Variants in HMGXB3 observed in about 807,000 individuals in gnomAD.
The protein encoded by HMGXB3 is HMG-box containing 3.
A neutral mutation model predicts 121.5 loss-of-function variants in HMGXB3; 45 were observed. The ratio of observed to expected loss-of-function variants is 0.37; its 90% CI spans 0.29 to 0.47. The LOEUF is 0.47. Among genes scored for constraint, HMGXB3 ranks in the 20% least tolerant of loss-of-function variants. The pLI, the probability that HMGXB3 is intolerant of heterozygous loss-of-function variation, is 0.99. For missense variants in HMGXB3, 1,376 were observed against 1,602.2 expected, an observed-to-expected ratio of 0.86 and a Z score of 2.41; for synonymous variants, 590 against 624.1, an observed-to-expected ratio of 0.95 and a Z score of 0.81.
chr5:150,026,328 T>C (rs1756229759), intron 7 of HMGXB3, among the ~76,000 whole-genome samples: 1 of 152,212 alleles, frequency 6.6e-6, no homozygotes, highest in Non-Finnish European at 1.5e-5. Context: ...AAACATGGAC[T>C]CTGTTCTCTA....
intron 7 of HMGXB3, among the ~76,000 whole-genome samples, chr5:150,026,337 T>C (rs1756229999): frequency 6.6e-6 from 1 of 152,214 alleles, no homozygotes; most frequent in Non-Finnish European, 1.5e-5. Flanking sequence ...CTCTGTTCTC[T>C]AGGGTCTCTA....
In HMGXB3 at chr5:150,024,368, A is replaced by C; in HGVS notation, c.1148A>C (p.Lys383Thr). 1 of 1,551,754 alleles carries C rather than the reference A, an allele frequency of 6.4e-7. No homozygotes were observed. Among genetic ancestry groups the C allele is most frequent in the Non-Finnish European group, 8.7e-7 (1 of 1,147,016 alleles). Reference protein sequence around the residue: ...QPVTTEQNSSKENASKLTLEN... With the variant: ...QPVTTEQNSSTENASKLTLEN... The stretch of plus-strand genomic sequence containing the variant: ...GTCACCACTGAGCAAAATTCCTCTA[A>C]GGAAAATGCCTCCAAACTGACTCTG... The change falls in exon 7 of 20, where the codon AAG becomes ACG. Residue 383 changes from lysine to threonine, a missense_variant. Around this residue, in one of 2 missense-constraint regions of HMGXB3, gnomAD observed 1,116 missense variants for 1,369.0 expected, o/e 0.82. Transcript: ENST00000502717.
intron 12 of HMGXB3, 132 bp from the exon 13 acceptor site, chr5:150,037,268 A>C: frequency 2.3e-6 from 2 of 877,312 alleles, no homozygotes; most frequent in South Asian, 3.9e-5. Flanking sequence ...GATTCCAACA[A>C]AGTGGAAATA....
intron 15 of HMGXB3, among the ~76,000 whole-genome samples, chr5:150,043,047 A>G (rs1020124508): frequency 6.6e-6 from 1 of 152,234 alleles, no homozygotes; most frequent in Non-Finnish European, 1.5e-5. Flanking sequence ...AAAGTTAAAC[A>G]CAGGAAAGCA....
chr5:150,017,714 G>GC (rs1205200107), intron 5 of HMGXB3, among the ~76,000 whole-genome samples: 2 of 152,222 alleles, frequency 1.3e-5, no homozygotes, highest in Admixed American at 6.5e-5. Context: ...TTTTGGCTGG[G>GC]CTAGGGAAGC....
intron 12 of HMGXB3, 86 bp downstream of exon 12, chr5:150,037,023 C>T: frequency 4.2e-6 from 5 of 1,178,972 alleles, no homozygotes; most frequent in Non-Finnish European, 5.9e-6. Flanking sequence ...AAAACTATAA[C>T]TGTGAAGATG....
intron 6 of HMGXB3, among the ~76,000 whole-genome samples, chr5:150,020,640 A>G (rs191663359): frequency 2.0e-5 from 3 of 150,376 alleles, no homozygotes; most frequent in African/African-American, 7.4e-5. Flanking sequence ...GCCTAGGCCC[A>G]TTTCAAATTC....
At chr5:150,051,624 G>C in intron 19 of HMGXB3, 101 bp from the exon 20 acceptor site, 1 of 933,442 alleles carries the variant, frequency 1.1e-6, no homozygotes, top group Non-Finnish European at 1.6e-6. Flanking sequence ...GTGATGTTAG[G>C]ATTCAAAGAG....
chr5:150,032,675 TAAG>T (rs893773581), intron 11 of HMGXB3, 72 bp downstream of exon 11: 52 of 1,504,344 alleles, frequency 3.5e-5, no homozygotes, highest in East Asian at 2.5e-4. Context: ...TTAGTAGAAA[TAAG>T]AAGATTTTTA....
intron 11 of HMGXB3, 66 bp downstream of exon 11, chr5:150,032,669 T>TTCTACTA: frequency 6.6e-7 from 1 of 1,513,184 alleles, no homozygotes; most frequent in Non-Finnish European, 9.0e-7. Context: ...CCTGTCTTAG[T>TTCTACTA]AGAAATAAGA....
chr5:150,042,105 C>A, intron 15 of HMGXB3, 136 bp downstream of exon 15: 1 of 598,218 alleles, frequency 1.7e-6, no homozygotes, highest in Non-Finnish European at 2.8e-6. Flanking sequence ...CCTCCCACAG[C>A]CCAAGATTTC....
chr5:150,050,486 C>G (rs1408118856), intron 19 of HMGXB3, 25 bp downstream of exon 19: 1 of 1,500,354 alleles, frequency 6.7e-7, no homozygotes, highest in Non-Finnish European at 9.1e-7. Flanking sequence ...GAGGAACTGC[C>G]ATGTCTCCTC....
At chr5:150,048,758 C>G (rs1192488445) in intron 18 of HMGXB3, 73 bp downstream of exon 18, 1 of 1,153,214 alleles carries the variant, frequency 8.7e-7, no homozygotes, top group Non-Finnish European at 1.3e-6. Flanking sequence ...ACTGATCCAG[C>G]TCAGTTTTGG....
chr5:150,039,597 A>G (rs981299456), intron 13 of HMGXB3, among the ~76,000 whole-genome samples: 1 of 151,778 alleles, frequency 6.6e-6, no homozygotes. Context: ...GTTTTTTTCT[A>G]TAGTAAATTT....
intron 4 of HMGXB3, 106 bp from the exon 5 acceptor site, chr5:150,012,149 T>TAC (rs1755854540): frequency 1.3e-6 from 1 of 749,010 alleles, no homozygotes. Context: ...TTGGGATGAG[T>TAC]ACACTGTCTG....
At chr5:150,025,381 C>T (rs1364193380) in intron 7 of HMGXB3, among the ~76,000 whole-genome samples, 4 of 152,234 alleles carry the variant, frequency 2.6e-5, no homozygotes, top group African/African-American at 7.2e-5. Context: ...CAATTGTGCC[C>T]GCAATGAACA....
chr5:150,001,744 G>T (rs1214877684), intron 1 of HMGXB3, among the ~76,000 whole-genome samples: 1 of 152,186 alleles, frequency 6.6e-6, no homozygotes, highest in Non-Finnish European at 1.5e-5. Flanking sequence ...TTAGAACAGG[G>T]TAATAAAACA....
At position 150,024,615 on chromosome 5, in the gene HMGXB3, C is replaced by T. The variant is rs762633160; in HGVS notation, c.1395C>T (p.Asp465=). 1.6e-5 allele frequency: 25 copies of T among 1,551,608 alleles called. No homozygotes were observed. Among genetic ancestry groups the T allele is most frequent in the Admixed American group, 2.0e-5 (1 of 50,984 alleles). ...GTTDNDSPGA[D]VPTPSEGTST... is the part of the protein sequence containing the mutation. ...CTGACAATGACAGTCCTGGAGCAGA[C>T]GTACCAACACCATCCGAGGGGACAA... Residue 465 remains aspartate, a synonymous_variant, in exon 7 of 20, where the codon GAC becomes GAT. Coordinates refer to ENST00000502717, the MANE Select transcript of HMGXB3 (RefSeq NM_014983.3).
intron 16 of HMGXB3, 30 bp downstream of exon 16, chr5:150,045,715 A>G (rs747283216): frequency 6.6e-7 from 1 of 1,506,548 alleles, no homozygotes; most frequent in South Asian, 1.2e-5. Context: ...GACTGGGGTC[A>G]AAAAAGGGCT....
Sources: allele counts gnomAD v4.1 joint callset (sites outside exome capture counted in the v4.1 genomes callset), GRCh38; gene constraint gnomAD v4.1.1; regional missense constraint gnomAD v4.1.1; transcripts MANE v1.5; gene names NCBI Gene and HGNC (gene_info 2026-07-23, HGNC 2026-07-21).